PRRC2C: variants seen among roughly 807,000 people sequenced by gnomAD.
The protein encoded by PRRC2C is proline rich coiled-coil 2C, also known as protein PRRC2C.
In PRRC2C, 72 loss-of-function variants were observed where a neutral mutation model predicts 317.2. That is an observed-to-expected ratio of 0.23 (90% confidence interval 0.19 to 0.28). PRRC2C has a LOEUF of 0.28. PRRC2C is among the 10% of genes least tolerant of loss of function. The pLI is 1.00. For missense variants in PRRC2C, 3,074 were observed against 3,459.7 expected, an observed-to-expected ratio of 0.89 and a Z score of 2.80; for synonymous variants, 1,296 against 1,205.9, an observed-to-expected ratio of 1.07 and a Z score of -1.55.
chr1:171,557,276 A>G lies in PRRC2C; in HGVS notation c.5164A>G (p.Ser1722Gly). Residue 1722 changes from serine to glycine, a missense_variant, in exon 19 of 35, where the codon AGC becomes GGC. Physicochemically the swap from Ser to Gly is moderately conservative, Grantham distance 56. Around this residue, in one of 11 missense-constraint regions of PRRC2C, gnomAD observed 640 missense variants for 676.1 expected, o/e 0.95. Coordinates refer to ENST00000647382, the MANE Select transcript of PRRC2C (RefSeq NM_001387844.1). Reference sequence around the variant, plus strand: ...AAAGAATGCAAATGAAAAAGGAAGAAGCCAGACTTCTAAGCTTCCTCCAAG... The same window carrying G: ...AAAGAATGCAAATGAAAAAGGAAGAGGCCAGACTTCTAAGCTTCCTCCAAG... ...NKKNANEKGRSQTSKLPPRFA... is the reference protein window; with the variant it reads ...NKKNANEKGRGQTSKLPPRFA... The G allele has an allele frequency of 6.4e-7, 1 of 1,551,032 alleles. No homozygotes were observed. The highest frequency in any genetic ancestry group is 8.7e-7 in the Non-Finnish European group (1 of 1,146,758).
chr1:171,576,080 CTG>C lies in PRRC2C; in HGVS notation c.6955+956_6955+957del, dbSNP rs1216059990. 1.1e-4 allele frequency among the ~76,000 whole-genome samples: 16 copies of C among 152,214 alleles called. No homozygotes were observed. The East Asian group carries it at 2.9e-3, about 27-fold the overall frequency. On this transcript the variant is annotated intron_variant, in intron 25 of 34. Coordinates refer to ENST00000647382, the MANE Select transcript of PRRC2C (RefSeq NM_001387844.1). ...CGCTGCATTAACATTTTAAATCAAACTGTGTTCCAACTATATTTCTTTTCACT... is the reference window on the plus strand; with the variant it reads ...CGCTGCATTAACATTTTAAATCAAACTGTTCCAACTATATTTCTTTTCACT...
At chr1:171,564,320 T>C (rs920922421) in intron 20 of PRRC2C, among the ~76,000 whole-genome samples, 2 of 152,206 alleles carry the variant, frequency 1.3e-5, no homozygotes, top group African/African-American at 4.8e-5. Flanking sequence ...ATAAACACTT[T>C]CATTTCAAAG....
At chr1:171,497,565 A>C (rs1668352130) in intron 1 of PRRC2C, among the ~76,000 whole-genome samples, 1 of 151,964 alleles carries the variant, frequency 6.6e-6, no homozygotes, top group Non-Finnish European at 1.5e-5. Flanking sequence ...TCAACCTCCT[A>C]GGCTCAAGCG....
At chr1:171,504,268 A>T (rs994765591) in intron 1 of PRRC2C, among the ~76,000 whole-genome samples, 1 of 152,164 alleles carries the variant, frequency 6.6e-6, no homozygotes, top group Admixed American at 6.5e-5. Flanking sequence ...TCTCAACATT[A>T]TCTTTCAAAA....
At chr1:171,526,448 G>A (rs974486703) in intron 10 of PRRC2C, among the ~76,000 whole-genome samples, 1 of 151,880 alleles carries the variant, frequency 6.6e-6, no homozygotes, top group African/African-American at 2.4e-5. Context: ...AGAGATTCTT[G>A]TGCCTCAGCC....
chr1:171,515,053 G>C (rs772930908), intron 4 of PRRC2C, among the ~76,000 whole-genome samples: 1 of 152,342 alleles, frequency 6.6e-6, no homozygotes, highest in Admixed American at 6.5e-5. Context: ...CTAGAAAGTA[G>C]CCATAAAGCA....
chr1:171,544,334 G>T (rs1254471685), intron 16 of PRRC2C, among the ~76,000 whole-genome samples: 9 of 152,138 alleles, frequency 5.9e-5, no homozygotes, highest in Non-Finnish European at 4.4e-5. Context: ...ATGTTTGCCA[G>T]GCTGGTCTCG....
intron 23 of PRRC2C, among the ~76,000 whole-genome samples, chr1:171,570,203 A>G (rs1052166870): frequency 1.3e-5 from 2 of 152,164 alleles, no homozygotes; most frequent in African/African-American, 4.8e-5. Flanking sequence ...TTAAAAACGA[A>G]TGTCCTTCAT....
chr1:171,537,468 T>A lies in PRRC2C; in HGVS notation c.2499T>A (p.Asp833Glu). Residue 833 changes from aspartate to glutamate, a missense_variant, in exon 15 of 35, where the codon GAT becomes GAA. Around this residue, in one of 11 missense-constraint regions of PRRC2C, gnomAD observed 1,320 missense variants for 1,395.7 expected, o/e 0.95. Transcript: ENST00000647382. ...TTPKATEEPE[D>E]VRSEAALDQE... ...CCAAAGCAACAGAAGAGCCTGAGGA[T>A]GTAAGGTAATAAATTATTTCAATTT... The A allele has an allele frequency of 6.4e-7, 1 of 1,560,472 alleles. No homozygotes were observed. The highest frequency in any genetic ancestry group is 8.7e-7 in the Non-Finnish European group (1 of 1,150,844).
chr1:171,534,504 C>A (rs538277964), intron 12 of PRRC2C, among the ~76,000 whole-genome samples: 2 of 151,858 alleles, frequency 1.3e-5, no homozygotes, highest in Admixed American at 6.6e-5. Context: ...TAGACACATA[C>A]AATTTTTTTG....
intron 12 of PRRC2C, among the ~76,000 whole-genome samples, chr1:171,533,262 T>A (rs894033684): frequency 4.6e-5 from 7 of 152,178 alleles, no homozygotes; most frequent in African/African-American, 1.7e-4. Context: ...TCCAAGACAT[T>A]TAACTAAACA....
At position 171,540,138 on chromosome 1, in the gene PRRC2C, C is replaced by G. The variant is rs1295462277; in HGVS notation, c.2672C>G (p.Ala891Gly). 12 of 1,613,784 alleles carry G rather than the reference C, an allele frequency of 7.4e-6. No individual in the cohort carries two copies. Among genetic ancestry groups the G allele is most frequent in the African/African-American group, 5.3e-5 (4 of 74,908 alleles). Reference protein sequence around the residue: ...VEDVRPHHTDANNQSACFEAP... With the variant: ...VEDVRPHHTDGNNQSACFEAP... The stretch of plus-strand genomic sequence containing the variant: ...GATGTTAGACCTCACCATACTGATG[C>G]AAATAATCAGTCTGCTTGTTTTGAA... The change falls in exon 16 of 35, where the codon GCA (alanine) becomes GGA (glycine). Residue 891 changes from alanine to glycine, a missense_variant. By Grantham distance (60) the Ala-to-Gly change is moderately conservative. This residue lies in a region of PRRC2C where 1,320 missense variants were observed against 1,395.7 expected (regional missense o/e 0.95). Coordinates refer to ENST00000647382, the MANE Select transcript of PRRC2C (RefSeq NM_001387844.1).
At chr1:171,511,306 T>C (rs1671340073) in intron 1 of PRRC2C, 2 of 152,204 alleles carry the variant, frequency 1.3e-5, no homozygotes, top group Admixed American at 1.3e-4. Context: ...ATTAATAGAC[T>C]AAGTTAGGGT....
In PRRC2C at chr1:171,557,287, T is replaced by C. The variant is rs1377729640; in HGVS notation, c.5175T>C (p.Ser1725=). 1 of 1,551,928 alleles carries C rather than the reference T, an allele frequency of 6.4e-7. No individual in the cohort carries two copies. The highest frequency in any genetic ancestry group is 8.7e-7 in the Non-Finnish European group (1 of 1,147,028). Residue 1725 remains serine, a synonymous_variant, in exon 19 of 35, where the codon TCT becomes TCC. Coordinates refer to ENST00000647382, the MANE Select transcript of PRRC2C (RefSeq NM_001387844.1). The part of the protein sequence containing the change: ...NANEKGRSQT[S]KLPPRFAKKQ... ...ATGAAAAAGGAAGAAGCCAGACTTC[T>C]AAGCTTCCTCCAAGATTTGCCAAAA...
intron 20 of PRRC2C, among the ~76,000 whole-genome samples, chr1:171,565,535 C>T (rs1267416310): frequency 6.6e-6 from 1 of 152,198 alleles, no homozygotes; most frequent in Non-Finnish European, 1.5e-5. Flanking sequence ...GCAACGTCCA[C>T]CTCCCGGGTT....
intron 11 of PRRC2C, among the ~76,000 whole-genome samples, chr1:171,530,537 T>C (rs1675629792): frequency 6.6e-6 from 1 of 152,140 alleles, no homozygotes; most frequent in East Asian, 1.9e-4. Context: ...TGAGCCACCG[T>C]GTCTAGCCTG....
chr1:171,588,574 T>C, intron 33 of PRRC2C, 69 bp downstream of exon 33: 1 of 1,497,262 alleles, frequency 6.7e-7, no homozygotes, highest in Non-Finnish European at 9.1e-7. Context: ...TAAATTATTA[T>C]CTTGCCTTAT....
intron 16 of PRRC2C, 128 bp from the exon 17 acceptor site, chr1:171,545,351 T>C: frequency 1.3e-6 from 1 of 741,380 alleles, no homozygotes; most frequent in Non-Finnish European, 2.1e-6. Context: ...GCTTGTTTGG[T>C]TACAGTTAAG....
rs778118071 is a variant in PRRC2C, at chr1:171,583,958, C to G, written c.7412C>G (p.Ser2471Cys). 6.2e-7 allele frequency: 1 copy of G among 1,611,890 alleles called. No individual in the cohort carries two copies. Reference sequence around the variant, plus strand: ...TTTTCTCTTTAATCCTTATGTAGATCTCAGCCAGCTTTTATGCAAAGCAGT... The same window carrying G: ...TTTTCTCTTTAATCCTTATGTAGATGTCAGCCAGCTTTTATGCAAAGCAGT... ...LFSSSLQPYR[S>C]QPAFMQSSLS... The change falls in exon 29 of 35, where the codon TCT becomes TGT. Residue 2471 changes from serine (S) to cysteine (C), a missense_variant and splice_region_variant. Physicochemically the swap from Ser to Cys is moderately radical, Grantham distance 112. Around this residue, in one of 11 missense-constraint regions of PRRC2C, gnomAD observed 490 missense variants for 663.1 expected, o/e 0.74. Coordinates refer to ENST00000647382, the MANE Select transcript of PRRC2C (RefSeq NM_001387844.1).
Sources: gnomAD v4.1 joint callset for allele counts (sites outside exome capture counted in the v4.1 genomes callset) on GRCh38, gnomAD v4.1.1 for gene constraint, gnomAD v4.1.1 regional missense constraint, MANE v1.5 for transcripts, NCBI Gene and HGNC (gene_info 2026-07-23, HGNC 2026-07-21) for gene names.